Variants in BRINP3 observed in about 807,000 individuals in gnomAD.
The protein encoded by BRINP3 is BMP/retinoic acid inducible neural specific 3.
BRINP3 carries 19 observed loss-of-function variants against 71.0 expected under a neutral mutation model. The ratio of observed to expected loss-of-function variants is 0.27; its 90% confidence interval spans 0.19 to 0.39. The LOEUF (loss-of-function observed/expected upper bound fraction) is 0.39, where lower values mean the gene tolerates loss of function less well. Among genes scored for constraint, BRINP3 ranks in the 10% least tolerant of loss-of-function variants. The pLI is 1.00. For synonymous variants in BRINP3, 380 were observed against 337.7 expected (o/e 1.13, Z -1.37); for missense variants, 959 against 940.8 (o/e 1.02, Z -0.25).
rs114328543 is a variant in BRINP3 at position 190,407,333 on chromosome 1, G to A, written c.236+47322C>T. ...TTTCTGCCATATAAGTCTGGGGGGA[G>A]CAGGGTACACCTACAGGAGATGAGT... On this transcript the variant is annotated intron_variant, in intron 2 of 7. Transcript: ENST00000367462. 4.7e-3 allele frequency among the ~76,000 whole-genome samples: 719 copies of A among 152,220 alleles called. 5 individuals carry two copies. The highest frequency in any genetic ancestry group is 0.014 in the Middle Eastern group (4 of 294).
chr1:190,102,740 A>G (rs1651807257), intron 7 of BRINP3, among the ~76,000 whole-genome samples: 2 of 152,154 alleles, frequency 1.3e-5, no homozygotes, highest in Admixed American at 1.3e-4. Flanking sequence ...AAAGCAATTG[A>G]CATGATAAAT....
intron 2 of BRINP3, among the ~76,000 whole-genome samples, chr1:190,329,112 A>G (rs1666797368): frequency 6.6e-6 from 1 of 152,082 alleles, no homozygotes; most frequent in African/African-American, 2.4e-5. Flanking sequence ...GAAAATTTGA[A>G]CAAATAAAGG....
At chr1:190,412,466 G>GTT (rs1216884351) in intron 2 of BRINP3, among the ~76,000 whole-genome samples, 1,256 of 105,954 alleles carry the variant, frequency 0.012, 27 homozygotes, top group African/African-American at 0.038. Context: ...GTTTTTTTTT[G>GTT]TTTTTTTTTT....
intron 2 of BRINP3, among the ~76,000 whole-genome samples, chr1:190,359,100 T>C (rs569872085): frequency 1.3e-5 from 2 of 151,996 alleles, no homozygotes; most frequent in Non-Finnish European, 2.9e-5. Flanking sequence ...ATATGACACA[T>C]GTATACATAT....
chr1:190,358,300 A>T (rs764398431), intron 2 of BRINP3, among the ~76,000 whole-genome samples: 1 of 152,306 alleles, frequency 6.6e-6, no homozygotes, highest in East Asian at 1.9e-4. Context: ...CAATGAACTC[A>T]AACAAATTTA....
At chr1:190,279,914 A>G (rs1407066955) in intron 3 of BRINP3, among the ~76,000 whole-genome samples, 2 of 151,896 alleles carry the variant, frequency 1.3e-5, no homozygotes, top group Non-Finnish European at 2.9e-5. Flanking sequence ...ATCTCCTAAG[A>G]AAGTGTAGTT....
At chr1:190,468,676 T>A (rs567960335) in intron 1 of BRINP3, among the ~76,000 whole-genome samples, 1 of 151,268 alleles carries the variant, frequency 6.6e-6, no homozygotes, top group South Asian at 2.1e-4. Flanking sequence ...CTGACTTTGA[T>A]ATAAAAGTTC....
intron 2 of BRINP3, among the ~76,000 whole-genome samples, chr1:190,320,600 A>T (rs938732181): frequency 2.6e-5 from 4 of 152,036 alleles, no homozygotes; most frequent in Non-Finnish European, 4.4e-5. Flanking sequence ...CCATCACAAC[A>T]GCTCAGGGCA....
At chr1:190,205,913 TGA>T (rs1190699983) in intron 6 of BRINP3, among the ~76,000 whole-genome samples, 3 of 151,956 alleles carry the variant, frequency 2.0e-5, no homozygotes, top group African/African-American at 7.3e-5. Context: ...AGGAATGTTA[TGA>T]GAGTTTATTT....
chr1:190,383,744 T>C (rs1184480712), intron 2 of BRINP3, among the ~76,000 whole-genome samples: 1 of 152,036 alleles, frequency 6.6e-6, no homozygotes. Context: ...GAGGATTATA[T>C]GATGTAATAA....
intron 2 of BRINP3, among the ~76,000 whole-genome samples, chr1:190,332,841 G>A (rs992081115): frequency 2.6e-5 from 4 of 151,920 alleles, no homozygotes; most frequent in Non-Finnish European, 5.9e-5. Flanking sequence ...GATTTAGAAA[G>A]ATACTTCAGG....
intron 2 of BRINP3, among the ~76,000 whole-genome samples, chr1:190,430,565 T>C (rs1235163515): frequency 6.6e-6 from 1 of 152,120 alleles, no homozygotes; most frequent in Admixed American, 6.5e-5. Context: ...AGAAATAATG[T>C]AGGAAGAGGG....
At chr1:190,132,724 C>A (rs1571792421) in intron 7 of BRINP3, among the ~76,000 whole-genome samples, 2 of 152,012 alleles carry the variant, frequency 1.3e-5, no homozygotes, top group East Asian at 3.9e-4. Flanking sequence ...TTTGAAATTC[C>A]TTCCATCAAG....
intron 2 of BRINP3, among the ~76,000 whole-genome samples, chr1:190,296,853 TA>T (rs1410517186): frequency 2.6e-5 from 4 of 151,864 alleles, no homozygotes; most frequent in African/African-American, 9.7e-5. Context: ...ACCAAATAAG[TA>T]AAAAATTTGT....
At chr1:190,129,887 A>G (rs1654392150) in intron 7 of BRINP3, among the ~76,000 whole-genome samples, 1 of 152,020 alleles carries the variant, frequency 6.6e-6, no homozygotes, top group Admixed American at 6.6e-5. Context: ...AACATGGTGA[A>G]CACGAATCCA....
At chr1:190,356,998 C>T (rs764931019) in intron 2 of BRINP3, among the ~76,000 whole-genome samples, 2 of 151,292 alleles carry the variant, frequency 1.3e-5, no homozygotes, top group Admixed American at 6.6e-5. Context: ...GTGACAAATG[C>T]TTTCACAGAC....
At chr1:190,167,102 T>C (rs1651621775) in intron 6 of BRINP3, among the ~76,000 whole-genome samples, 1 of 152,102 alleles carries the variant, frequency 6.6e-6, no homozygotes, top group African/African-American at 2.4e-5. Flanking sequence ...TGATGTGCCA[T>C]CCAGAATCCC....
chr1:190,356,072 T>C (rs1390943665), intron 2 of BRINP3, among the ~76,000 whole-genome samples: 1 of 151,976 alleles, frequency 6.6e-6, no homozygotes, highest in East Asian at 1.9e-4. Flanking sequence ...TGTTGGCCAG[T>C]AAGAATGGTC....
intron 2 of BRINP3, among the ~76,000 whole-genome samples, chr1:190,308,114 C>A (rs1665245864): frequency 6.6e-6 from 1 of 151,922 alleles, no homozygotes; most frequent in African/African-American, 2.4e-5. Flanking sequence ...CTCACCTACA[C>A]CTAAAACTGT....
Sources: allele counts gnomAD v4.1 joint callset (sites outside exome capture counted in the v4.1 genomes callset), GRCh38; gene constraint gnomAD v4.1.1; transcripts MANE v1.5; gene names NCBI Gene and HGNC (gene_info 2026-07-23, HGNC 2026-07-21).